Variants in DENND5A observed in about 807,000 individuals in gnomAD.
The protein encoded by DENND5A is DENN domain containing 5A.
DENND5A carries 64 observed loss-of-function variants against 140.3 expected under a neutral mutation model. That is an observed-to-expected ratio of 0.46 (90% CI 0.37 to 0.56). The LOEUF (loss-of-function observed/expected upper bound fraction) is 0.56, where lower values mean the gene tolerates loss of function less well. DENND5A is among the 20% of genes least tolerant of loss of function. The pLI, the probability that DENND5A is intolerant of heterozygous loss-of-function variation, is 0.00. For missense variants in DENND5A, 1,292 were observed against 1,593.8 expected (o/e 0.81, Z 3.22); for synonymous variants, 605 against 607.7 (o/e 1.00, Z 0.07).
At chr11:9,254,252 G>C (rs1010066765) in intron 1 of DENND5A, among the ~76,000 whole-genome samples, 1 of 151,176 alleles carries the variant, frequency 6.6e-6, no homozygotes, top group African/African-American at 2.4e-5. Flanking sequence ...CTTGAGCTCA[G>C]AAATTCGAGG....
intron 1 of DENND5A, among the ~76,000 whole-genome samples, chr11:9,251,718 G>A (rs565481349): frequency 4.5e-4 from 69 of 152,130 alleles, no homozygotes; most frequent in South Asian, 1.5e-3. Context: ...AGCTGGGTGC[G>A]GTGGCTCACA....
At chr11:9,239,041 A>G (rs1229969000) in intron 1 of DENND5A, among the ~76,000 whole-genome samples, 2 of 151,446 alleles carry the variant, frequency 1.3e-5, no homozygotes, top group Non-Finnish European at 2.9e-5. Flanking sequence ...CATGTTGGCC[A>G]GGCTGGTCTT....
chr11:9,142,856 A>C lies in DENND5A; in HGVS notation c.3388-11T>G, dbSNP rs750524183. The stretch of plus-strand genomic sequence containing the variant: ...CGTCAGACTGCCTCGCTACGTAAGG[A>C]AACAGGGGAGGGTGCCAGGCTTGTC... On this transcript the variant is annotated splice_polypyrimidine_tract_variant and intron_variant, in intron 20 of 22. Transcript: ENST00000328194. 2 of 1,613,716 alleles carry C rather than the reference A, an allele frequency of 1.2e-6. No homozygotes were observed. The highest frequency in any genetic ancestry group is 1.7e-5 in the Admixed American group (1 of 60,008).
rs9737147 is a variant in DENND5A at position 9,220,808 on chromosome 11, G to A, written c.110-13176C>T. On this transcript the variant is annotated intron_variant, in intron 1 of 22. Transcript: ENST00000328194. ...CTGGGGAGGCTGAGGTACGAGAATTGCTTGAACCTGGGAGGCAGAGGTTGC... is the reference window on the plus strand; with the variant it reads ...CTGGGGAGGCTGAGGTACGAGAATTACTTGAACCTGGGAGGCAGAGGTTGC... Among the ~76,000 whole-genome samples the A allele has an allele frequency of 4.6e-3, 698 of 152,068 alleles. 6 individuals carry two copies. The highest frequency in any genetic ancestry group is 0.016 in the African/African-American group (671 of 41,508).
chr11:9,192,061 C>T (rs182348201), intron 5 of DENND5A, among the ~76,000 whole-genome samples: 5 of 151,764 alleles, frequency 3.3e-5, no homozygotes, highest in African/African-American at 4.8e-5. Context: ...AAGAGCACAA[C>T]GCTCTATAAA....
At chr11:9,240,000 C>G (rs1164459006) in intron 1 of DENND5A, among the ~76,000 whole-genome samples, 1 of 152,082 alleles carries the variant, frequency 6.6e-6, no homozygotes, top group Non-Finnish European at 1.5e-5. Flanking sequence ...AGGGTCACAC[C>G]CAGAGCTACG....
intron 12 of DENND5A, among the ~76,000 whole-genome samples, chr11:9,156,464 A>G (rs1039754743): frequency 6.6e-5 from 10 of 152,132 alleles, no homozygotes; most frequent in African/African-American, 2.2e-4. Context: ...ACTTCTGCTA[A>G]AAATACAAAA....
intron 1 of DENND5A, among the ~76,000 whole-genome samples, chr11:9,244,400 G>A (rs951877206): frequency 5.9e-5 from 9 of 151,380 alleles, no homozygotes; most frequent in Non-Finnish European, 1.3e-4. Context: ...ACGGAGTTTC[G>A]CTCTTGTTGC....
At chr11:9,172,859 G>A (rs149213703) in intron 8 of DENND5A, among the ~76,000 whole-genome samples, 218 of 151,864 alleles carry the variant, frequency 1.4e-3, no homozygotes, top group African/African-American at 4.8e-3. Flanking sequence ...TCTGTCGCCC[G>A]GGCTAGAGTG....
intron 1 of DENND5A, among the ~76,000 whole-genome samples, chr11:9,253,741 C>T (rs1851826230): frequency 6.6e-6 from 1 of 151,618 alleles, no homozygotes; most frequent in Non-Finnish European, 1.5e-5. Flanking sequence ...GTGATGCACA[C>T]CTGTAGTTCC....
At chr11:9,256,584 TACA>T (rs1455322997) in intron 1 of DENND5A, among the ~76,000 whole-genome samples, 2 of 152,220 alleles carry the variant, frequency 1.3e-5, no homozygotes, top group East Asian at 3.8e-4. Context: ...TGATACATGC[TACA>T]ACATGAGTGA....
intron 22 of DENND5A, among the ~76,000 whole-genome samples, chr11:9,140,739 C>A (rs933653177): frequency 6.6e-6 from 1 of 152,198 alleles, no homozygotes; most frequent in Non-Finnish European, 1.5e-5. Flanking sequence ...TGATCTTTCT[C>A]CTCTACCTTT....
intron 11 of DENND5A, among the ~76,000 whole-genome samples, chr11:9,165,078 C>A (rs2136148071): frequency 6.6e-6 from 1 of 151,980 alleles, no homozygotes; most frequent in South Asian, 2.1e-4. Flanking sequence ...CGGCTCACTG[C>A]AACCTCCGCC....
At chr11:9,142,349 A>G (rs958646157) in intron 21 of DENND5A, among the ~76,000 whole-genome samples, 4 of 152,170 alleles carry the variant, frequency 2.6e-5, no homozygotes, top group African/African-American at 4.8e-5. Flanking sequence ...TGAAGACACA[A>G]AAAATTCTGA....
chr11:9,150,811 A>T, intron 13 of DENND5A, 47 bp from the exon 14 acceptor site: 1 of 1,264,812 alleles, frequency 7.9e-7, no homozygotes, highest in South Asian at 1.2e-5. Context: ...GAATATCCAA[A>T]TAGCTGACTG....
intron 1 of DENND5A, among the ~76,000 whole-genome samples, chr11:9,247,613 T>C (rs1433686850): frequency 6.6e-6 from 1 of 151,988 alleles, no homozygotes; most frequent in Non-Finnish European, 1.5e-5. Flanking sequence ...TTTGAATCAA[T>C]ATGAACGACC....
chr11:9,142,905 T>C lies in DENND5A; in HGVS notation c.3388-60A>G, dbSNP rs559114558. The C allele has an allele frequency of 1.5e-4, 234 of 1,598,808 alleles. 3 individuals are homozygous for C. In the South Asian group the frequency reaches 2.2e-3, roughly 15 times the overall value. On this transcript the variant is annotated intron_variant, in intron 20 of 22. Transcript: ENST00000328194. ...TCTCAGCCGAGCTGCCCTCCCACCA[T>C]TGCATCCCTAAACCCACAGCCCAGA... is the stretch of plus-strand genomic sequence containing the variant.
intron 5 of DENND5A, among the ~76,000 whole-genome samples, chr11:9,183,636 G>T (rs1848807853): frequency 6.6e-6 from 1 of 151,904 alleles, no homozygotes. Flanking sequence ...TGAACTCCTG[G>T]CCTCAAGCAA....
chr11:9,191,756 C>T (rs1413187217), intron 5 of DENND5A, among the ~76,000 whole-genome samples: 1 of 152,216 alleles, frequency 6.6e-6, no homozygotes, highest in Non-Finnish European at 1.5e-5. Context: ...GCTTAGTGGC[C>T]TATGTATTAA....
Sources: allele counts gnomAD v4.1 joint callset (sites outside exome capture counted in the v4.1 genomes callset), GRCh38; gene constraint gnomAD v4.1.1; transcripts MANE v1.5; gene names NCBI Gene and HGNC (gene_info 2026-07-23, HGNC 2026-07-21).